The following DISC1 variants were observed in gnomAD, a reference collection of about 807,000 sequenced individuals.
DISC1 encodes DISC1 scaffold protein.
A neutral mutation model predicts 84.5 loss-of-function variants in DISC1; 57 were observed. The observed-to-expected ratio is 0.67, with a 90% CI of 0.55 to 0.84. The LOEUF is 0.84. DISC1 is among the 40% of genes least tolerant of loss of function. The pLI is 0.00. For synonymous variants in DISC1, 411 were observed against 415.2 expected, an observed-to-expected ratio of 0.99 and a Z score of 0.12; for missense variants, 1,000 against 1,057.8, an observed-to-expected ratio of 0.95 and a Z score of 0.76.
intron 10 of DISC1, among the ~76,000 whole-genome samples, chr1:232,006,908 A>G (rs1019627713): frequency 6.6e-6 from 1 of 152,152 alleles, no homozygotes; most frequent in Admixed American, 6.5e-5. Flanking sequence ...AGCTTTGTGC[A>G]GTCTCAGGAC....
At chr1:231,949,650 G>C (rs917187778) in intron 9 of DISC1, among the ~76,000 whole-genome samples, 1 of 152,062 alleles carries the variant, frequency 6.6e-6, no homozygotes, top group Non-Finnish European at 1.5e-5. Flanking sequence ...TTACGGGGGC[G>C]CCATCCTTGG....
chr1:231,787,166 G>A (rs1219450404), intron 6 of DISC1, among the ~76,000 whole-genome samples: 1 of 152,192 alleles, frequency 6.6e-6, no homozygotes, highest in African/African-American at 2.4e-5. Flanking sequence ...ATAGTTGTTA[G>A]TTGCTGTTAG....
rs534277681 is a variant in DISC1, at chr1:231,939,728, G to T, written c.1982-19100G>T. ...CCATTGGCATTCCTTCCTACTACCT[G>T]CCCTGTTCTCTGCTTATTCTATTTT... On this transcript the variant is annotated intron_variant, in intron 9 of 12. Transcript: ENST00000439617. 4.0e-5 allele frequency among the ~76,000 whole-genome samples: 6 copies of T among 151,364 alleles called. No individual in the cohort carries two copies. The South Asian group carries it at 6.3e-4, about 16-fold the overall frequency.
intron 9 of DISC1, 35 bp downstream of exon 9, chr1:231,818,552 T>A (rs1404856027): frequency 6.2e-7 from 1 of 1,613,070 alleles, no homozygotes; most frequent in African/African-American, 1.3e-5. Flanking sequence ...GGCAAGATAT[T>A]GATGATATTT....
At chr1:231,752,237 A>G (rs1378066690) in intron 4 of DISC1, among the ~76,000 whole-genome samples, 2 of 152,184 alleles carry the variant, frequency 1.3e-5, no homozygotes, top group Non-Finnish European at 2.9e-5. Flanking sequence ...TTTATAAATG[A>G]AAGAAGTTAA....
chr1:232,000,134 G>A (rs9803630), intron 10 of DISC1, among the ~76,000 whole-genome samples: 12,816 of 152,148 alleles, frequency 0.084, 1,659 homozygotes, highest in African/African-American at 0.28. Flanking sequence ...CGATACCAGC[G>A]GGGAGATGAA....
rs189624282 is a variant in DISC1 at position 231,826,019 on chromosome 1, G to A, written c.1981+7502G>A. Among the ~76,000 whole-genome samples, 13 of 152,292 alleles carry A rather than the reference G, an allele frequency of 8.5e-5. No individual in the cohort carries two copies. In the East Asian group the frequency reaches 1.7e-3, roughly 20 times the overall value. ...GAAGAAAAGGAATGATCCCTTGTAC[G>A]AAGTCACCCTCTTTTTAGTAACAAA... On this transcript the variant is annotated intron_variant, in intron 9 of 12. Coordinates refer to ENST00000439617, the MANE Select transcript of DISC1 (RefSeq NM_018662.3). The surrounding 1 kb of genome is among the most constrained non-coding windows in gnomAD (Gnocchi z 4.2).
At chr1:231,728,630 CTTAG>C (rs1473589255) in intron 3 of DISC1, among the ~76,000 whole-genome samples, 4 of 152,208 alleles carry the variant, frequency 2.6e-5, no homozygotes, top group Non-Finnish European at 5.9e-5. Flanking sequence ...ACATGGTGAA[CTTAG>C]TTTGTTCTAC....
At chr1:231,996,629 TAGAAAC>T (rs936772225) in intron 10 of DISC1, among the ~76,000 whole-genome samples, 1 of 152,108 alleles carries the variant, frequency 6.6e-6, no homozygotes, top group African/African-American at 2.4e-5. Context: ...CTAAAATGGA[TAGAAAC>T]CTACAAACTC....
intron 10 of DISC1, among the ~76,000 whole-genome samples, chr1:231,998,409 A>C (rs1666236631): frequency 6.6e-6 from 1 of 152,198 alleles, no homozygotes; most frequent in Admixed American, 6.5e-5. Context: ...TGGGCTTAGT[A>C]GAGTGCAAAA....
At chr1:232,011,703 C>T (rs1055856945) in intron 11 of DISC1, among the ~76,000 whole-genome samples, 10 of 152,066 alleles carry the variant, frequency 6.6e-5, no homozygotes, top group Admixed American at 6.5e-4. Flanking sequence ...AGTTACGTGA[C>T]TGTGTGTATG....
At chr1:231,749,898 C>T in intron 3 of DISC1, 28 bp from the exon 4 acceptor site, 2 of 1,606,752 alleles carry the variant, frequency 1.2e-6, no homozygotes, top group South Asian at 1.1e-5. Context: ...GTTCTTTTTT[C>T]CTCTCTCTCA....
At chr1:231,706,439 C>T (rs1008829284) in intron 3 of DISC1, among the ~76,000 whole-genome samples, 2 of 152,168 alleles carry the variant, frequency 1.3e-5, no homozygotes, top group African/African-American at 2.4e-5. Context: ...GTTTGTGCTC[C>T]ATAATATCCC....
At chr1:231,681,697 A>G (rs2063709870) in intron 1 of DISC1, among the ~76,000 whole-genome samples, 1 of 151,716 alleles carries the variant, frequency 6.6e-6, no homozygotes, top group South Asian at 2.1e-4. Flanking sequence ...AGGCATAGAC[A>G]TTTATTTTTT....
chr1:231,790,941 T>C (rs888808539), intron 6 of DISC1, among the ~76,000 whole-genome samples: 1 of 152,244 alleles, frequency 6.6e-6, no homozygotes, highest in Admixed American at 6.5e-5. Flanking sequence ...TCTTAGGTAC[T>C]GGGGATTCGG....
intron 6 of DISC1, among the ~76,000 whole-genome samples, chr1:231,774,098 A>G (rs2076770137): frequency 6.6e-6 from 1 of 151,956 alleles, no homozygotes; most frequent in African/African-American, 2.4e-5. Flanking sequence ...AATAAAAATA[A>G]AAAAAATTAG....
rs185001845 is a variant in DISC1 at position 231,830,566 on chromosome 1, C to T, written c.1981+12049C>T. On this transcript the variant is annotated intron_variant, in intron 9 of 12. Coordinates refer to ENST00000439617, the MANE Select transcript of DISC1 (RefSeq NM_018662.3). Reference sequence around the variant, plus strand: ...GATGGCTTGGAAAAACAGTGTAAACCGGCAGCGTAAACAAGAGCAGGGCAT... The same window carrying T: ...GATGGCTTGGAAAAACAGTGTAAACTGGCAGCGTAAACAAGAGCAGGGCAT... 1.7e-3 allele frequency among the ~76,000 whole-genome samples: 259 copies of T among 152,150 alleles called. 4 individuals carry two copies. In the East Asian group the frequency reaches 0.042, roughly 24 times the overall value.
At chr1:231,692,319 C>T (rs1185565757) in intron 1 of DISC1, among the ~76,000 whole-genome samples, 3 of 152,224 alleles carry the variant, frequency 2.0e-5, no homozygotes, top group Non-Finnish European at 4.4e-5. Context: ...CCCCGGGCAG[C>T]AATAGCCCTT....
chr1:231,898,734 C>A (rs943237087), intron 9 of DISC1, among the ~76,000 whole-genome samples: 1 of 152,054 alleles, frequency 6.6e-6, no homozygotes, highest in African/African-American at 2.4e-5. Flanking sequence ...GAGCTAGAGA[C>A]CAGCCTGGCC....
Sources: allele counts gnomAD v4.1 joint callset (sites outside exome capture counted in the v4.1 genomes callset), GRCh38; gene constraint gnomAD v4.1.1; non-coding constraint Gnocchi (gnomAD v3.1); transcripts MANE v1.5; gene names NCBI Gene and HGNC (gene_info 2026-07-23, HGNC 2026-07-21).